The following ZFHX4 variants were observed in gnomAD, a reference collection of about 807,000 sequenced individuals.
ZFHX4 encodes zinc finger homeobox protein 4.
ZFHX4 carries 56 observed loss-of-function variants against 267.6 expected under a neutral mutation model. That is an observed-to-expected ratio of 0.21 (90% CI 0.17 to 0.26). The LOEUF (loss-of-function observed/expected upper bound fraction) is 0.26, where lower values mean the gene tolerates loss of function less well. Among genes scored for constraint, ZFHX4 ranks in the 10% least tolerant of loss-of-function variants. The pLI, the probability that ZFHX4 is intolerant of heterozygous loss-of-function variation, is 1.00. For synonymous variants in ZFHX4, 1,778 were observed against 1,665.6 expected, an observed-to-expected ratio of 1.07 and a Z score of -1.64; for missense variants, 4,332 against 4,420.0, an observed-to-expected ratio of 0.98 and a Z score of 0.56.
intron 1 of ZFHX4, among the ~76,000 whole-genome samples, chr8:76,691,702 C>A (rs1255288096): frequency 6.6e-6 from 1 of 152,082 alleles, no homozygotes; most frequent in African/African-American, 2.4e-5. Flanking sequence ...GTTACTTAAT[C>A]TTCCTGAGCC....
intron 1 of ZFHX4, among the ~76,000 whole-genome samples, chr8:76,690,178 G>C (rs535433022): frequency 6.6e-6 from 1 of 152,000 alleles, no homozygotes; most frequent in Non-Finnish European, 1.5e-5. Context: ...TTGTGTTCTA[G>C]CTATAAAAAA....
At chr8:76,814,910 T>A (rs1811466307) in intron 4 of ZFHX4, among the ~76,000 whole-genome samples, 1 of 152,134 alleles carries the variant, frequency 6.6e-6, no homozygotes. Context: ...GGTTTCAGCT[T>A]TAAGCACTCA....
intron 3 of ZFHX4, among the ~76,000 whole-genome samples, chr8:76,755,021 A>T (rs1809725936): frequency 1.3e-5 from 2 of 152,216 alleles, no homozygotes; most frequent in South Asian, 4.1e-4. Context: ...GAGAATGTCC[A>T]CATCTGGGCC....
rs141226517 is a variant in ZFHX4 at position 76,794,956 on chromosome 8, C to T, written c.3325+16517C>T. ...CAGTTGAAGTCCATCTCAGTAGACA[C>T]TTTCACAATCAAGTTGTCTCTGGGC... On this transcript the variant is annotated intron_variant, in intron 4 of 10. Coordinates refer to ENST00000651372, the MANE Select transcript of ZFHX4 (RefSeq NM_024721.5). 2.0e-5 allele frequency among the ~76,000 whole-genome samples: 3 copies of T among 151,778 alleles called. No individual in the cohort carries two copies. In the East Asian group the frequency reaches 5.8e-4, roughly 30 times the overall value.
At chr8:76,794,194 T>C (rs796868134) in intron 4 of ZFHX4, among the ~76,000 whole-genome samples, 3 of 152,316 alleles carry the variant, frequency 2.0e-5, no homozygotes, top group African/African-American at 7.2e-5. Context: ...CATCTTCTTT[T>C]ATTAATTTTG....
Position 76,864,355 on chromosome 8 carries a change from C to A in ZFHX4, c.10641C>A (p.Ser3547=). ...RAASPPSSPP[S]LSLPSTVTSS... is the part of the protein sequence containing the mutation. ...CTTCTCCCCCTTCTTCTCCTCCTTC[C>A]CTTTCCTTGCCTTCAACGGTTACCT... is the stretch of plus-strand genomic sequence containing the variant. Residue 3547 remains serine, a synonymous_variant, in exon 11 of 11, where the codon TCC becomes TCA. Coordinates refer to ENST00000651372, the MANE Select transcript of ZFHX4 (RefSeq NM_024721.5). The A allele has an allele frequency of 6.2e-7, 1 of 1,613,846 alleles. No individual in the cohort carries two copies. Among genetic ancestry groups the A allele is most frequent in the Non-Finnish European group, 8.5e-7 (1 of 1,179,860 alleles).
rs1380635230 is a variant in ZFHX4 at position 76,756,983 on chromosome 8, C to T, written c.3094-21225C>T. Among the ~76,000 whole-genome samples the T allele has an allele frequency of 3.3e-5, 5 of 151,904 alleles. No homozygotes were observed. The East Asian group carries it at 9.7e-4, about 29-fold the overall frequency. Reference sequence around the variant, plus strand: ...TTGATCACAGCTTGGCTTATTTTTCCAATAGCAGTGAAAGAATTTACCATG... The same window carrying T: ...TTGATCACAGCTTGGCTTATTTTTCTAATAGCAGTGAAAGAATTTACCATG... On this transcript the variant is annotated intron_variant, in intron 3 of 10. Coordinates refer to ENST00000651372, the MANE Select transcript of ZFHX4 (RefSeq NM_024721.5).
intron 6 of ZFHX4, among the ~76,000 whole-genome samples, chr8:76,843,174 T>C (rs1812281103): frequency 6.6e-6 from 1 of 152,226 alleles, no homozygotes; most frequent in Non-Finnish European, 1.5e-5. Flanking sequence ...AATTTTGTCA[T>C]TCAGTCACAT....
intron 4 of ZFHX4, among the ~76,000 whole-genome samples, chr8:76,791,318 A>G (rs1243057099): frequency 6.6e-6 from 1 of 152,118 alleles, no homozygotes; most frequent in Non-Finnish European, 1.5e-5. Flanking sequence ...CACAGCTTAT[A>G]TGGTGTCCTG....
At chr8:76,814,703 A>G (rs1811459208) in intron 4 of ZFHX4, among the ~76,000 whole-genome samples, 1 of 152,140 alleles carries the variant, frequency 6.6e-6, no homozygotes, top group South Asian at 2.1e-4. Flanking sequence ...TAATCTTACC[A>G]TGTATTCAGG....
At position 76,704,066 on chromosome 8, in the gene ZFHX4, G is replaced by T; in HGVS notation, c.-23G>T. On this transcript the variant is annotated 5_prime_UTR_variant, in exon 2 of 11. An upstream start codon of the reference 5' UTR is lost. Coordinates refer to ENST00000651372, the MANE Select transcript of ZFHX4 (RefSeq NM_024721.5). ...AGGTCCCTGACAGGCTGGATGAAATGAGATCCCCATGTAGCAATTGCCATG... is the reference window on the plus strand; with the variant it reads ...AGGTCCCTGACAGGCTGGATGAAATTAGATCCCCATGTAGCAATTGCCATG... The T allele has an allele frequency of 1.3e-6, 2 of 1,572,558 alleles. No individual in the cohort carries two copies. The highest frequency in any genetic ancestry group is 1.7e-6 in the Non-Finnish European group (2 of 1,161,556).
At chr8:76,781,326 G>A (rs976728374) in intron 4 of ZFHX4, among the ~76,000 whole-genome samples, 1 of 151,960 alleles carries the variant, frequency 6.6e-6, no homozygotes, top group Admixed American at 6.6e-5. Context: ...CATTGTAATA[G>A]CAAATAACTA....
intron 3 of ZFHX4, among the ~76,000 whole-genome samples, chr8:76,753,913 C>T (rs953346687): frequency 6.7e-6 from 1 of 149,798 alleles, no homozygotes; most frequent in African/African-American, 2.5e-5. Context: ...CCGGCATGAG[C>T]CACTGCATCC....
Position 76,852,884 on chromosome 8 carries a change from C to G in ZFHX4, c.5963C>G (p.Ala1988Gly). The G allele has an allele frequency of 1.2e-6, 2 of 1,613,376 alleles. No individual in the cohort carries two copies. The highest frequency in any genetic ancestry group is 1.7e-6 in the Non-Finnish European group (2 of 1,179,624). ...AAATTTGCTCGTCAATACAGGGAGG[C>G]CTATGACAAGCTTTATCCAATTTCT... ...LEKFARQYRE[A>G]YDKLYPISPS... is the part of the protein sequence containing the mutation. Residue 1988 changes from alanine (A) to glycine (G), a missense_variant, in exon 10 of 11, where the codon GCC becomes GGC. Around this residue, in one of 7 missense-constraint regions of ZFHX4, gnomAD observed 1,371 missense variants for 1,423.1 expected, o/e 0.96. Transcript: ENST00000651372.
intron 4 of ZFHX4, among the ~76,000 whole-genome samples, chr8:76,790,747 G>A (rs1810814562): frequency 6.6e-6 from 1 of 152,156 alleles, no homozygotes; most frequent in Non-Finnish European, 1.5e-5. Context: ...ATTTGTGTGT[G>A]TGTGTGTAAT....
intron 4 of ZFHX4, among the ~76,000 whole-genome samples, chr8:76,826,206 TA>T (rs1289751530): frequency 6.6e-6 from 1 of 152,282 alleles, no homozygotes; most frequent in East Asian, 1.9e-4. Context: ...CAGACTCTTT[TA>T]AACAACCACA....
intron 1 of ZFHX4, among the ~76,000 whole-genome samples, chr8:76,692,732 G>A (rs544278109): frequency 3.3e-5 from 5 of 151,796 alleles, no homozygotes; most frequent in Admixed American, 6.6e-5. Flanking sequence ...TTTTCATTGC[G>A]ATACATGTAA....
At chr8:76,738,252 C>T (rs533376790) in intron 3 of ZFHX4, among the ~76,000 whole-genome samples, 31 of 152,234 alleles carry the variant, frequency 2.0e-4, no homozygotes, top group African/African-American at 7.5e-4. Context: ...GATCCTGAGG[C>T]TTATGAATGT....
intron 6 of ZFHX4, among the ~76,000 whole-genome samples, chr8:76,847,986 G>A (rs1436360844): frequency 3.9e-5 from 6 of 152,126 alleles, no homozygotes; most frequent in African/African-American, 1.4e-4. Context: ...GCACCCAGTT[G>A]TCCAGTGATA....
Sources: gnomAD v4.1 joint callset for allele counts (sites outside exome capture counted in the v4.1 genomes callset) on GRCh38, gnomAD v4.1.1 for gene constraint, gnomAD v4.1.1 regional missense constraint, MANE v1.5 for transcripts, NCBI Gene and HGNC (gene_info 2026-07-23, HGNC 2026-07-21) for gene names.